The following HSDL2 variants were observed in gnomAD, a reference collection of about 807,000 sequenced individuals.
HSDL2 encodes the protein hydroxysteroid dehydrogenase like 2, also known as hydroxysteroid dehydrogenase-like protein 2.
A neutral mutation model predicts 46.3 loss-of-function variants in HSDL2; 27 were observed. The ratio of observed to expected loss-of-function variants is 0.58; its 90% CI spans 0.43 to 0.80. HSDL2 has a LOEUF of 0.80. HSDL2 is among the 30% of genes least tolerant of loss of function. HSDL2 has a pLI of 0.00. For missense variants in HSDL2, 451 were observed against 502.7 expected, an observed-to-expected ratio of 0.90 and a Z score of 0.98; for synonymous variants, 153 against 163.6, an observed-to-expected ratio of 0.94 and a Z score of 0.50.
intron 5 of HSDL2, among the ~76,000 whole-genome samples, chr9:112,418,457 C>T (rs1400879952): frequency 1.3e-5 from 2 of 151,668 alleles, no homozygotes; most frequent in Non-Finnish European, 2.9e-5. Context: ...GTGGCACACA[C>T]CCATAGTCCC....
intron 6 of HSDL2, among the ~76,000 whole-genome samples, chr9:112,433,455 G>A (rs1405577087): frequency 1.3e-5 from 2 of 152,108 alleles, no homozygotes; most frequent in African/African-American, 4.8e-5. Flanking sequence ...ATATTCAGTG[G>A]AGAGCCACTG....
Position 112,411,307 on chromosome 9 carries a change from C to T in HSDL2, c.395+2286C>T, listed in dbSNP as rs578163689. 3.9e-5 allele frequency among the ~76,000 whole-genome samples: 6 copies of T among 152,320 alleles called. No homozygotes were observed. In the East Asian group the frequency reaches 1.2e-3, roughly 29 times the overall value. On this transcript the variant is annotated intron_variant, in intron 4 of 10. Coordinates refer to ENST00000398805, the MANE Select transcript of HSDL2 (RefSeq NM_032303.5). Reference sequence around the variant, plus strand: ...AGCTTACTTGTTTGTAGATGTAAGGCATATTTCTATAAATTCGATATGTAA... The same window carrying T: ...AGCTTACTTGTTTGTAGATGTAAGGTATATTTCTATAAATTCGATATGTAA...
chr9:112,461,059 T>A (rs1039251980), intron 10 of HSDL2, among the ~76,000 whole-genome samples: 8 of 152,160 alleles, frequency 5.3e-5, no homozygotes, highest in African/African-American at 1.9e-4. Flanking sequence ...TCAATGTTTA[T>A]CATTGGTTAT....
Position 112,441,783 on chromosome 9 carries a change from CTATATT to C in HSDL2, c.865+15_865+20del. 1 of 1,483,090 alleles carries C rather than the reference CTATATT, an allele frequency of 6.7e-7. No individual in the cohort carries two copies. Among genetic ancestry groups the C allele is most frequent in the Non-Finnish European group, 9.4e-7 (1 of 1,062,414 alleles). The allele number at this position is 1,483,090 out of a possible 1,614,324, so 91.9% of individuals were successfully genotyped here. ...GTGGAATCAACTGGTAAGATCTAGA[CTATATT>C]TTATGTTAGAAAATATAAATCCTAA... On this transcript the variant is annotated intron_variant, in intron 8 of 10. Transcript: ENST00000398805.
At chr9:112,416,439 AAAAC>A (rs1323196438) in intron 4 of HSDL2, among the ~76,000 whole-genome samples, 2 of 150,322 alleles carry the variant, frequency 1.3e-5, no homozygotes, top group African/African-American at 5.0e-5. Context: ...ATTAAAAAAA[AAAAC>A]AAACAAAAAA....
rs554531359 is a variant in HSDL2 at position 112,438,445 on chromosome 9, G to T, written c.613G>T (p.Ala205Ser). 1 of 1,601,816 alleles carries T rather than the reference G, an allele frequency of 6.2e-7. No homozygotes were observed. Among genetic ancestry groups the T allele is most frequent in the South Asian group, 1.1e-5 (1 of 88,374 alleles). The change falls in exon 7 of 11, where the codon GCT (alanine) becomes TCT (serine). Residue 205 changes from alanine (A) to serine (S), a missense_variant. Coordinates refer to ENST00000398805, the MANE Select transcript of HSDL2 (RefSeq NM_032303.5). ...TTTCTCTACAGCCATACACACTGCT[G>T]CTATGGATATGCTGGGAGGACCTGG... ...LWPKTAIHTA[A>S]MDMLGGPGIE... is the part of the protein sequence containing the mutation.
intron 5 of HSDL2, among the ~76,000 whole-genome samples, chr9:112,417,905 C>T (rs1019010125): frequency 2.6e-5 from 4 of 151,872 alleles, no homozygotes; most frequent in Non-Finnish European, 4.4e-5. Flanking sequence ...TAGTGAAACT[C>T]CATCTCTACT....
chr9:112,409,169 A>G (rs1831803493), intron 4 of HSDL2, 148 bp downstream of exon 4: 1 of 420,662 alleles, frequency 2.4e-6, no homozygotes, highest in Non-Finnish European at 4.2e-6. Flanking sequence ...CATTCAGTCA[A>G]TAGTATTTTA....
rs1364118712 is a variant in HSDL2, at chr9:112,420,753, G to C, written c.598+1795G>C. ...ATCATATACATTTCTGTTACATTAG[G>C]GTTTTCCCATTTGTCCCGAGAATAC... On this transcript the variant is annotated intron_variant, in intron 6 of 10. Coordinates refer to ENST00000398805, the MANE Select transcript of HSDL2 (RefSeq NM_032303.5). Among the ~76,000 whole-genome samples, 6 of 151,714 alleles carry C rather than the reference G, an allele frequency of 4.0e-5. No individual in the cohort carries two copies. The East Asian group carries it at 1.2e-3, about 29-fold the overall frequency.
intron 3 of HSDL2, 62 bp from the exon 4 acceptor site, chr9:112,408,845 C>A (rs886281880): frequency 2.3e-6 from 2 of 863,746 alleles, no homozygotes; most frequent in Non-Finnish European, 1.9e-6. Flanking sequence ...AGAGAGTAAA[C>A]GCTTTTTTTG....
intron 1 of HSDL2, among the ~76,000 whole-genome samples, chr9:112,383,638 GCT>G (rs1831151772): frequency 6.6e-6 from 1 of 152,072 alleles, no homozygotes; most frequent in Non-Finnish European, 1.5e-5. Flanking sequence ...CACATATAGC[GCT>G]CTGTTTCTGG....
intron 6 of HSDL2, among the ~76,000 whole-genome samples, chr9:112,437,087 G>C (rs1832544679): frequency 6.7e-6 from 1 of 149,292 alleles, no homozygotes; most frequent in Admixed American, 6.8e-5. Context: ...TGCCTCCCAA[G>C]TAGCTGGGAC....
intron 8 of HSDL2, among the ~76,000 whole-genome samples, chr9:112,452,289 T>A (rs1443789922): frequency 6.6e-6 from 1 of 152,222 alleles, no homozygotes; most frequent in Non-Finnish European, 1.5e-5. Flanking sequence ...CTTTGAGGAA[T>A]TGTATTAGAC....
At chr9:112,464,225 GAC>G (rs756529908) in intron 10 of HSDL2, among the ~76,000 whole-genome samples, 238 of 4,840 alleles carry the variant, frequency 0.049, no homozygotes, top group African/African-American at 0.1. Flanking sequence ...CACACACACA[GAC>G]ACACACACAC....
At chr9:112,408,146 C>G (rs1831771759) in intron 3 of HSDL2, among the ~76,000 whole-genome samples, 1 of 152,102 alleles carries the variant, frequency 6.6e-6, no homozygotes, top group Non-Finnish European at 1.5e-5. Context: ...GGAGCCTTTC[C>G]CTTTAAGTGA....
At chr9:112,454,196 T>G in intron 9 of HSDL2, 34 bp downstream of exon 9, 1 of 1,565,074 alleles carries the variant, frequency 6.4e-7, no homozygotes, top group South Asian at 1.2e-5. Flanking sequence ...GAAGTTTTTA[T>G]GAAACAAAAT....
At chr9:112,446,282 C>A (rs1333754536) in intron 8 of HSDL2, among the ~76,000 whole-genome samples, 2 of 152,082 alleles carry the variant, frequency 1.3e-5, no homozygotes, top group African/African-American at 4.8e-5. Context: ...ATAGCTCAGG[C>A]CAGTGTGCAA....
At chr9:112,392,003 C>T (rs1348812673) in intron 1 of HSDL2, among the ~76,000 whole-genome samples, 1 of 152,072 alleles carries the variant, frequency 6.6e-6, no homozygotes, top group African/African-American at 2.4e-5. Flanking sequence ...TTCTATTTTC[C>T]TTAAGTGTCG....
chr9:112,390,848 C>T (rs1282316725), intron 1 of HSDL2, among the ~76,000 whole-genome samples: 1 of 152,106 alleles, frequency 6.6e-6, no homozygotes, highest in African/African-American at 2.4e-5. Flanking sequence ...TCCCAAAGCC[C>T]TGGCCATAAA....
Sources: allele counts gnomAD v4.1 joint callset (sites outside exome capture counted in the v4.1 genomes callset), GRCh38; gene constraint gnomAD v4.1.1; transcripts MANE v1.5; gene names NCBI Gene and HGNC (gene_info 2026-07-23, HGNC 2026-07-21).